Variants in FER1L6 observed in about 807,000 individuals in gnomAD.
The protein encoded by FER1L6 is fer-1 like family member 6.
Under a neutral mutation model 219.2 loss-of-function variants are expected in FER1L6, and 177 were observed. The ratio of observed to expected loss-of-function variants is 0.81; its 90% confidence interval spans 0.71 to 0.91. The LOEUF is 0.91. Among genes scored for constraint, FER1L6 ranks in the 40% least tolerant of loss-of-function variants. The pLI is 0.00. For missense variants in FER1L6, 2,153 were observed against 2,259.9 expected, an observed-to-expected ratio of 0.95 and a Z score of 0.96; for synonymous variants, 768 against 824.3, an observed-to-expected ratio of 0.93 and a Z score of 1.17.
chr8:123,864,134 A>G (rs1427175180), intron 1 of FER1L6, among the ~76,000 whole-genome samples: 4 of 149,192 alleles, frequency 2.7e-5, no homozygotes, highest in African/African-American at 1.0e-4. Flanking sequence ...GTTCCTTTCC[A>G]TGTTTAGCGC....
At chr8:124,022,915 ATTT>A (rs1563749673) in intron 17 of FER1L6, among the ~76,000 whole-genome samples, 13 of 151,054 alleles carry the variant, frequency 8.6e-5, no homozygotes, top group African/African-American at 3.2e-4. Context: ...CACTTTATTT[ATTT>A]ATTTTTTTTT....
chr8:123,905,757 A>G (rs150673588), intron 1 of FER1L6, among the ~76,000 whole-genome samples: 197 of 152,336 alleles, frequency 1.3e-3, no homozygotes, highest in African/African-American at 4.5e-3. Flanking sequence ...ATCTCTTAAC[A>G]AATGTAGCTA....
chr8:124,060,730 C>T lies in FER1L6; in HGVS notation c.3147+21C>T, dbSNP rs766970901. 1.8e-5 allele frequency: 29 copies of T among 1,605,886 alleles called. No homozygotes were observed. The South Asian group carries it at 2.3e-4, about 13-fold the overall frequency. ...AAGTGGTGCGAGCTTCTCACTCTCCCGACCTGGCTCATTCCTCTTTTTTGC... is the reference window on the plus strand; with the variant it reads ...AAGTGGTGCGAGCTTCTCACTCTCCTGACCTGGCTCATTCCTCTTTTTTGC... On this transcript the variant is annotated intron_variant, in intron 24 of 40. Coordinates refer to ENST00000522917, the MANE Select transcript of FER1L6 (RefSeq NM_001039112.2).
intron 9 of FER1L6, among the ~76,000 whole-genome samples, chr8:123,976,408 C>T (rs999508911): frequency 6.6e-6 from 1 of 151,862 alleles, no homozygotes; most frequent in African/African-American, 2.4e-5. Flanking sequence ...TACTGGGTGG[C>T]TAAGGCATAA....
intron 3 of FER1L6, among the ~76,000 whole-genome samples, chr8:123,964,297 T>C (rs990900943): frequency 1.6e-4 from 25 of 152,226 alleles, no homozygotes; most frequent in Admixed American, 1.2e-3. Flanking sequence ...AATTTCTTAC[T>C]TGTGATAATT....
chr8:123,884,037 C>G (rs1485808881), intron 1 of FER1L6, among the ~76,000 whole-genome samples: 2 of 152,180 alleles, frequency 1.3e-5, no homozygotes, highest in East Asian at 3.8e-4. Flanking sequence ...CATACATACA[C>G]TGGGAAAGAC....
chr8:124,061,786 G>A, intron 24 of FER1L6, 66 bp from the exon 25 acceptor site: 2 of 1,510,278 alleles, frequency 1.3e-6, no homozygotes, highest in East Asian at 2.3e-5. Flanking sequence ...TGGATGCCCA[G>A]CTGGCTTTGG....
intron 37 of FER1L6, 140 bp downstream of exon 37, chr8:124,098,023 T>C (rs1822385955): frequency 1.9e-6 from 1 of 515,362 alleles, no homozygotes; most frequent in Non-Finnish European, 3.5e-6. Context: ...CCACCTTCTT[T>C]GTCTAATATT....
At chr8:123,864,243 A>G (rs1488727795) in intron 1 of FER1L6, among the ~76,000 whole-genome samples, 3 of 150,054 alleles carry the variant, frequency 2.0e-5, no homozygotes, top group Non-Finnish European at 4.4e-5. Flanking sequence ...TATGAAGCTT[A>G]GTTTGGCTGG....
intron 1 of FER1L6, among the ~76,000 whole-genome samples, chr8:123,881,181 T>G (rs951094365): frequency 6.6e-6 from 1 of 152,218 alleles, no homozygotes; most frequent in Non-Finnish European, 1.5e-5. Flanking sequence ...ATATTGTTTT[T>G]TCATAAAATA....
At chr8:123,965,875 C>A in intron 3 of FER1L6, 132 bp from the exon 4 acceptor site, 1 of 820,804 alleles carries the variant, frequency 1.2e-6, no homozygotes, top group Non-Finnish European at 1.9e-6. Context: ...TTATACTTAT[C>A]TCCCCCAGAG....
At chr8:124,015,002 T>C (rs1473740051) in intron 15 of FER1L6, among the ~76,000 whole-genome samples, 1 of 152,196 alleles carries the variant, frequency 6.6e-6, no homozygotes, top group Non-Finnish European at 1.5e-5. Flanking sequence ...GCCATTGGGC[T>C]GAGGACTTCA....
intron 1 of FER1L6, among the ~76,000 whole-genome samples, chr8:123,886,838 C>T (rs752880980): frequency 6.6e-5 from 10 of 152,210 alleles, no homozygotes; most frequent in Non-Finnish European, 1.3e-4. Context: ...AGGCCTTAGC[C>T]TTCTCATCTG....
At chr8:123,864,120 G>A (rs1261245153) in intron 1 of FER1L6, among the ~76,000 whole-genome samples, 8 of 149,398 alleles carry the variant, frequency 5.4e-5, no homozygotes, top group Admixed American at 1.3e-4. Flanking sequence ...GGCTGGTACC[G>A]GTTGTTCCTT....
intron 1 of FER1L6, among the ~76,000 whole-genome samples, chr8:123,874,536 A>T (rs2130282892): frequency 6.6e-6 from 1 of 152,352 alleles, no homozygotes; most frequent in South Asian, 2.1e-4. Context: ...CTCAGAAAAG[A>T]GCTTTCACAT....
At chr8:123,929,883 TGGG>T (rs1813703542) in intron 1 of FER1L6, among the ~76,000 whole-genome samples, 1 of 151,980 alleles carries the variant, frequency 6.6e-6, no homozygotes, top group Non-Finnish European at 1.5e-5. Flanking sequence ...CACAGTCTAG[TGGG>T]TAAGATAAGT....
intron 13 of FER1L6, among the ~76,000 whole-genome samples, chr8:124,005,758 C>G (rs1285525134): frequency 1.1e-4 from 17 of 152,174 alleles, no homozygotes; most frequent in Non-Finnish European, 2.9e-5. Context: ...GGAACAGAGT[C>G]AGGTGAGTAA....
rs760946344 is a variant in FER1L6, at chr8:123,975,952, T to C, written c.738T>C (p.Tyr246=). The stretch of plus-strand genomic sequence containing the variant: ...TGGAGAGACCGTGGGCCAGATTCTA[T>C]GTGAGACTCTACAAAGCAGAAGGGT... ...FPLERPWARF[Y]VRLYKAEGLP... is the part of the protein sequence containing the mutation. Residue 246 remains tyrosine, a synonymous_variant, in exon 9 of 41, where the codon TAT becomes TAC. Coordinates refer to ENST00000522917, the MANE Select transcript of FER1L6 (RefSeq NM_001039112.2). The C allele has an allele frequency of 5.0e-6, 8 of 1,613,858 alleles. No homozygotes were observed. The highest frequency in any genetic ancestry group is 5.9e-6 in the Non-Finnish European group (7 of 1,179,974).
intron 1 of FER1L6, among the ~76,000 whole-genome samples, chr8:123,905,256 G>A (rs1341949239): frequency 6.6e-6 from 1 of 152,052 alleles, no homozygotes. Context: ...CCCCTGGCAG[G>A]CCACAGTGTG....
Sources: gnomAD v4.1 joint callset for allele counts (sites outside exome capture counted in the v4.1 genomes callset) on GRCh38, gnomAD v4.1.1 for gene constraint, MANE v1.5 for transcripts, NCBI Gene and HGNC (gene_info 2026-07-23, HGNC 2026-07-21) for gene names.